ACOXL: variants seen among roughly 807,000 people sequenced by gnomAD.
The protein encoded by ACOXL is acyl-CoA oxidase like.
A neutral mutation model predicts 71.9 loss-of-function variants in ACOXL; 70 were observed. The ratio of observed to expected loss-of-function variants is 0.97; its 90% CI spans 0.80 to 1.19. The LOEUF (loss-of-function observed/expected upper bound fraction) is 1.19, where lower values mean the gene tolerates loss of function less well. ACOXL is among the 50% of genes most tolerant of loss of function. The probability of loss-of-function intolerance (pLI) is 0.00; values close to 1 mark genes in which losing one functional copy is unlikely to be tolerated. For synonymous variants in ACOXL, 253 were observed against 281.6 expected (o/e 0.90, Z 1.02); for missense variants, 703 against 736.3 (o/e 0.95, Z 0.52).
At chr2:110,804,513 A>T (rs1467431882) in intron 8 of ACOXL, among the ~76,000 whole-genome samples, 1 of 152,234 alleles carries the variant, frequency 6.6e-6, no homozygotes, top group Non-Finnish European at 1.5e-5. Flanking sequence ...ACCTATATCC[A>T]CACAATAAAT....
chr2:110,935,968 C>T (rs956263250), intron 12 of ACOXL, among the ~76,000 whole-genome samples: 4 of 151,958 alleles, frequency 2.6e-5, no homozygotes, highest in Admixed American at 6.5e-5. Flanking sequence ...GTGCAGTTCA[C>T]AATAGAGTTC....
rs2060277890 is a variant in ACOXL, at chr2:110,926,564, A to AT, written c.906-6924dup. Among the ~76,000 whole-genome samples the AT allele has an allele frequency of 3.9e-5, 6 of 152,310 alleles. No homozygotes were observed. The South Asian group carries it at 1.0e-3, about 26-fold the overall frequency. ...CAGTTTCCCCATCTATAACATAGGAATAATAATATCTGACCTAGAGGGTTA... is the reference window on the plus strand; with the variant it reads ...CAGTTTCCCCATCTATAACATAGGAATTAATAATATCTGACCTAGAGGGTTA... On this transcript the variant is annotated intron_variant, in intron 11 of 17. Coordinates refer to ENST00000439055, the MANE Select transcript of ACOXL (RefSeq NM_001142807.4).
intron 10 of ACOXL, among the ~76,000 whole-genome samples, chr2:110,848,919 G>C (rs977966862): frequency 2.0e-5 from 3 of 152,226 alleles, no homozygotes; most frequent in African/African-American, 4.8e-5. Context: ...ACGGGATTCA[G>C]ACCTCACTCC....
chr2:110,965,430 T>G lies in ACOXL; in HGVS notation c.1060-21678T>G, dbSNP rs563127506. Reference sequence around the variant, plus strand: ...TGTTTTTTGGAAACCTCCATACTGTTTTTTATAGTGGCTGTACTAATTTAC... The same window carrying G: ...TGTTTTTTGGAAACCTCCATACTGTGTTTTATAGTGGCTGTACTAATTTAC... On this transcript the variant is annotated intron_variant, in intron 12 of 17. Coordinates refer to ENST00000439055, the MANE Select transcript of ACOXL (RefSeq NM_001142807.4). Among the ~76,000 whole-genome samples, 3 of 152,328 alleles carry G rather than the reference T, an allele frequency of 2.0e-5. No individual in the cohort carries two copies. In the East Asian group the frequency reaches 5.8e-4, roughly 29 times the overall value.
intron 10 of ACOXL, among the ~76,000 whole-genome samples, chr2:110,863,228 T>A (rs926384024): frequency 3.9e-5 from 6 of 152,236 alleles, no homozygotes; most frequent in African/African-American, 1.4e-4. Context: ...TATGATGTGT[T>A]CTTATGATGG....
intron 17 of ACOXL, among the ~76,000 whole-genome samples, chr2:111,116,929 T>C (rs2070397718): frequency 6.6e-6 from 1 of 152,202 alleles, no homozygotes; most frequent in Admixed American, 6.5e-5. Flanking sequence ...GGGAATGTCT[T>C]ATCCCTGCCT....
rs748322948 is a variant in ACOXL at position 110,987,107 on chromosome 2, G to A, written c.1060-1G>A. The A allele has an allele frequency of 6.4e-7, 1 of 1,563,964 alleles. No individual in the cohort carries two copies. The highest frequency in any genetic ancestry group is 1.2e-5 in the South Asian group (1 of 85,224). On this transcript the variant is annotated splice_acceptor_variant, in intron 12 of 17. Coordinates refer to ENST00000439055, the MANE Select transcript of ACOXL (RefSeq NM_001142807.4). LOFTEE classifies it high-confidence loss of function. ...TGATGAGCGATAAACTCTTTGCACA[G>A]GTTGTGGGGCGGGAACTGCTGGCCC...
intron 2 of ACOXL, among the ~76,000 whole-genome samples, chr2:110,768,940 C>G (rs889763905): frequency 2.0e-5 from 3 of 151,890 alleles, no homozygotes; most frequent in Non-Finnish European, 4.4e-5. Context: ...CCTCAGGCCC[C>G]TTTTCTGCCC....
At chr2:110,861,508 C>T (rs1315611060) in intron 10 of ACOXL, among the ~76,000 whole-genome samples, 1 of 152,098 alleles carries the variant, frequency 6.6e-6, no homozygotes, top group Non-Finnish European at 1.5e-5. Flanking sequence ...GTCCTATTCC[C>T]CCCACTTCCC....
chr2:111,011,614 G>A (rs1426045764), intron 14 of ACOXL, among the ~76,000 whole-genome samples: 2 of 152,168 alleles, frequency 1.3e-5, no homozygotes, highest in Non-Finnish European at 2.9e-5. Flanking sequence ...CAGGTGCAGT[G>A]GCTCATGCCT....
intron 11 of ACOXL, among the ~76,000 whole-genome samples, chr2:110,925,160 AT>A (rs2149309330): frequency 6.6e-6 from 1 of 152,344 alleles, no homozygotes; most frequent in East Asian, 1.9e-4. Context: ...CTGTTGTTTC[AT>A]TTCTAGAGCA....
At chr2:111,089,979 T>C (rs934219126) in intron 16 of ACOXL, among the ~76,000 whole-genome samples, 5 of 152,318 alleles carry the variant, frequency 3.3e-5, no homozygotes, top group African/African-American at 1.2e-4. Flanking sequence ...TAAGAGGAGA[T>C]TGACGATCTG....
At chr2:111,017,342 A>G (rs769538219) in intron 14 of ACOXL, among the ~76,000 whole-genome samples, 5 of 152,220 alleles carry the variant, frequency 3.3e-5, no homozygotes, top group Non-Finnish European at 7.3e-5. Flanking sequence ...GTCTTGCCAC[A>G]TAACCAGCAA....
At chr2:110,848,735 C>T (rs1377484067) in intron 10 of ACOXL, among the ~76,000 whole-genome samples, 3 of 152,190 alleles carry the variant, frequency 2.0e-5, no homozygotes, top group African/African-American at 4.8e-5. Context: ...ATTTCCCAGT[C>T]AAACCTGCTC....
At chr2:110,779,533 A>C (rs913588534) in intron 2 of ACOXL, among the ~76,000 whole-genome samples, 1 of 152,248 alleles carries the variant, frequency 6.6e-6, no homozygotes, top group Non-Finnish European at 1.5e-5. Flanking sequence ...AATTCTAAAA[A>C]AGGACAAAGT....
chr2:111,086,547 A>G (rs768023543), intron 16 of ACOXL, among the ~76,000 whole-genome samples: 13 of 152,154 alleles, frequency 8.5e-5, no homozygotes, highest in Non-Finnish European at 1.5e-4. Flanking sequence ...CTCAGCTTGG[A>G]TATTGTTGAT....
intron 14 of ACOXL, among the ~76,000 whole-genome samples, chr2:111,008,422 T>G (rs2063977340): frequency 6.6e-6 from 1 of 152,170 alleles, no homozygotes; most frequent in African/African-American, 2.4e-5. Context: ...TGGCTTATCC[T>G]TCCTGTATTT....
chr2:110,853,439 T>C (rs1384696952), intron 10 of ACOXL, among the ~76,000 whole-genome samples: 1 of 152,238 alleles, frequency 6.6e-6, no homozygotes, highest in Non-Finnish European at 1.5e-5. Flanking sequence ...ATGTGCTCAG[T>C]TGGCATAGGC....
At chr2:111,081,044 A>T (rs918766799) in intron 16 of ACOXL, among the ~76,000 whole-genome samples, 1 of 152,222 alleles carries the variant, frequency 6.6e-6, no homozygotes, top group African/African-American at 2.4e-5. Flanking sequence ...GCTATTTATG[A>T]CAAAACCACA....
Sources: gnomAD v4.1 joint callset for allele counts (sites outside exome capture counted in the v4.1 genomes callset) on GRCh38, gnomAD v4.1.1 for gene constraint, MANE v1.5 for transcripts, NCBI Gene and HGNC (gene_info 2026-07-23, HGNC 2026-07-21) for gene names.